The following MAML2 variants were observed in gnomAD, a reference collection of about 807,000 sequenced individuals.
MAML2 encodes the protein mastermind like transcriptional coactivator 2.
A neutral mutation model predicts 96.1 loss-of-function variants in MAML2; 22 were observed. That is an observed-to-expected ratio of 0.23 (90% CI 0.16 to 0.33). The LOEUF (loss-of-function observed/expected upper bound fraction) is 0.33, where lower values mean the gene tolerates loss of function less well. Among genes scored for constraint, MAML2 ranks in the 10% least tolerant of loss-of-function variants. MAML2 has a pLI of 1.00. For synonymous variants in MAML2, 561 were observed against 521.3 expected, an observed-to-expected ratio of 1.08 and a Z score of -1.04; for missense variants, 1,367 against 1,392.4, an observed-to-expected ratio of 0.98 and a Z score of 0.29.
chr11:96,228,882 T>A (rs995963118), intron 1 of MAML2, among the ~76,000 whole-genome samples: 3 of 152,148 alleles, frequency 2.0e-5, no homozygotes, highest in African/African-American at 7.2e-5. Context: ...CCTTTACATA[T>A]CTATGTTCAC....
intron 1 of MAML2, among the ~76,000 whole-genome samples, chr11:96,325,444 C>A (rs1335973795): frequency 1.3e-5 from 2 of 152,100 alleles, no homozygotes; most frequent in Admixed American, 6.6e-5. Context: ...ATATTATTAC[C>A]ATTTCTCAAC....
At chr11:96,038,924 T>G (rs1858761314) in intron 2 of MAML2, among the ~76,000 whole-genome samples, 1 of 152,230 alleles carries the variant, frequency 6.6e-6, no homozygotes, top group Non-Finnish European at 1.5e-5. Context: ...TTAATAATAC[T>G]TGTCAAATGA....
chr11:96,056,232 T>C (rs1034814227), intron 2 of MAML2, among the ~76,000 whole-genome samples: 2 of 152,144 alleles, frequency 1.3e-5, no homozygotes, highest in Non-Finnish European at 2.9e-5. Flanking sequence ...TTTGTGAGTG[T>C]GAGTCATAAG....
At chr11:96,266,146 T>C (rs1214694782) in intron 1 of MAML2, among the ~76,000 whole-genome samples, 1 of 152,136 alleles carries the variant, frequency 6.6e-6, no homozygotes, top group African/African-American at 2.4e-5. Context: ...CTTAGAGGCC[T>C]GAGCAGCAGG....
chr11:96,051,906 CT>C (rs1858996116), intron 2 of MAML2, among the ~76,000 whole-genome samples: 1 of 152,174 alleles, frequency 6.6e-6, no homozygotes, highest in African/African-American at 2.4e-5. Context: ...TCTGAAGGGC[CT>C]GGCTCACAAT....
chr11:96,140,055 T>C (rs1357452334), intron 1 of MAML2, among the ~76,000 whole-genome samples: 1 of 152,246 alleles, frequency 6.6e-6, no homozygotes, highest in Non-Finnish European at 1.5e-5. Context: ...AGGCTTATCA[T>C]TGATGATGTT....
chr11:96,083,424 C>T (rs1038948786), intron 2 of MAML2, among the ~76,000 whole-genome samples: 4 of 152,176 alleles, frequency 2.6e-5, no homozygotes, highest in Admixed American at 1.3e-4. Flanking sequence ...GCCAGTCCAG[C>T]CCCCATCAAT....
chr11:96,007,798 T>A (rs578240669), intron 2 of MAML2, among the ~76,000 whole-genome samples: 1 of 147,368 alleles, frequency 6.8e-6, no homozygotes, highest in South Asian at 2.2e-4. Flanking sequence ...ACACCGCATA[T>A]TCTCACTCAT....
chr11:95,998,141 A>AGTCTGTCTGTCTCTCTGTCTGTCTGTCT (rs1858023674), intron 2 of MAML2, among the ~76,000 whole-genome samples: 1 of 143,544 alleles, frequency 7.0e-6, no homozygotes, highest in Non-Finnish European at 1.5e-5. Context: ...TCTGTCTGTC[A>AGTCTGTCTGTCTCTCTGTCTGTCTGTCT]GTCTGTCTGT....
chr11:96,007,348 A>G (rs878934001), intron 2 of MAML2, among the ~76,000 whole-genome samples: 1 of 152,080 alleles, frequency 6.6e-6, no homozygotes, highest in African/African-American at 2.4e-5. Flanking sequence ...TCTTCTATAA[A>G]GATTTCTAGT....
At chr11:96,339,225 C>G (rs1415977273) in intron 1 of MAML2, among the ~76,000 whole-genome samples, 3 of 152,192 alleles carry the variant, frequency 2.0e-5, no homozygotes, top group Non-Finnish European at 4.4e-5. Flanking sequence ...GAGAAAGATT[C>G]CCTCTTAGGC....
intron 1 of MAML2, among the ~76,000 whole-genome samples, chr11:96,118,393 C>T (rs1434864433): frequency 6.6e-6 from 1 of 152,140 alleles, no homozygotes; most frequent in Non-Finnish European, 1.5e-5. Flanking sequence ...AAGTGAAACT[C>T]CTCCCTTTGC....
intron 1 of MAML2, among the ~76,000 whole-genome samples, chr11:96,104,480 T>G (rs1331225529): frequency 2.6e-5 from 4 of 152,152 alleles, no homozygotes; most frequent in African/African-American, 9.7e-5. Context: ...CCTTGCTAAC[T>G]CCCCTTCTCT....
chr11:96,106,752 C>T (rs1860027713), intron 1 of MAML2, among the ~76,000 whole-genome samples: 1 of 152,230 alleles, frequency 6.6e-6, no homozygotes. Context: ...TCACCAGCTA[C>T]AGCCTTGTAA....
intron 2 of MAML2, among the ~76,000 whole-genome samples, chr11:96,069,879 T>C (rs763275194): frequency 5.9e-4 from 87 of 148,678 alleles, no homozygotes; most frequent in Non-Finnish European, 1.0e-3. Flanking sequence ...AAAAATTAGC[T>C]GGGTGTGGTG....
chr11:96,078,537 T>C (rs1293949109), intron 2 of MAML2, among the ~76,000 whole-genome samples: 2 of 152,252 alleles, frequency 1.3e-5, no homozygotes, highest in African/African-American at 4.8e-5. Flanking sequence ...AGGTATCTAC[T>C]GCTAATTTCT....
chr11:96,307,060 G>A (rs1424522878), intron 1 of MAML2, among the ~76,000 whole-genome samples: 6 of 152,034 alleles, frequency 3.9e-5, no homozygotes, highest in African/African-American at 4.8e-5. Context: ...TCACTCACAC[G>A]GCTGTAATAA....
intron 1 of MAML2, among the ~76,000 whole-genome samples, chr11:96,264,575 C>T (rs1356691987): frequency 6.6e-6 from 1 of 152,204 alleles, no homozygotes; most frequent in Non-Finnish European, 1.5e-5. Flanking sequence ...TCACGCTGGG[C>T]AAGGCATTTC....
At chr11:96,058,906 AC>A (rs980209684) in intron 2 of MAML2, among the ~76,000 whole-genome samples, 2 of 152,152 alleles carry the variant, frequency 1.3e-5, no homozygotes, top group Admixed American at 1.3e-4. Context: ...ACATGGTAAA[AC>A]CCTGTCTCTA....
Sources: gnomAD v4.1 joint callset for allele counts (sites outside exome capture counted in the v4.1 genomes callset) on GRCh38, gnomAD v4.1.1 for gene constraint, MANE v1.5 for transcripts, NCBI Gene and HGNC (gene_info 2026-07-23, HGNC 2026-07-21) for gene names.